The following POLD1 variants were observed in gnomAD, a reference collection of about 807,000 sequenced individuals.
POLD1 encodes DNA polymerase delta 1, catalytic subunit.
Under a neutral mutation model 129.7 loss-of-function variants are expected in POLD1, and 79 were observed. The observed-to-expected ratio is 0.61, with a 90% CI of 0.51 to 0.73. The LOEUF (loss-of-function observed/expected upper bound fraction) is 0.73. Ranked by LOEUF, POLD1 falls within the 30% of genes least tolerant of loss-of-function variation. POLD1 has a pLI of 0.00. For missense variants in POLD1, 1,338 were observed against 1,595.8 expected (o/e 0.84, Z 2.75); for synonymous variants, 714 against 683.3 (o/e 1.04, Z -0.70).
intron 1 of POLD1, among the ~76,000 whole-genome samples, chr19:50,385,778 C>T (rs1026748086): frequency 1.3e-5 from 2 of 152,116 alleles, no homozygotes; most frequent in African/African-American, 4.8e-5. Flanking sequence ...ATCCACTTGC[C>T]TCGGCCTCCC....
intron 24 of POLD1, 28 bp downstream of exon 24, chr19:50,416,751 A>T (rs970032090): frequency 1.4e-6 from 2 of 1,464,346 alleles, no homozygotes; most frequent in African/African-American, 2.8e-5. Context: ...CTGGGCCCCC[A>T]CTGGCCCTCA....
At chr19:50,416,892 CG>C in intron 24 of POLD1, 152 bp from the exon 25 acceptor site, 1 of 1,028,306 alleles carries the variant, frequency 9.7e-7, no homozygotes, top group Non-Finnish European at 1.4e-6. Flanking sequence ...GCCCCCACCC[CG>C]GGAGTTCCCC....
intron 1 of POLD1, among the ~76,000 whole-genome samples, chr19:50,390,220 T>C (rs2038109501): frequency 1.3e-5 from 2 of 151,350 alleles, no homozygotes; most frequent in Non-Finnish European, 1.5e-5. Flanking sequence ...ATAATTTCTT[T>C]TTTTCTTTTC....
rs71182715 is a variant in POLD1 at position 50,400,133 on chromosome 19, ATTTTTTTTTTTT to A, written c.316+666_316+677del. Among the ~76,000 whole-genome samples the A allele has an allele frequency of 5.5e-3, 263 of 48,162 alleles. 4 individuals carry two copies. Among genetic ancestry groups the A allele is most frequent in the African/African-American group, 0.015 (254 of 17,210 alleles). The allele number at this position is 48,162 out of a possible 152,430, so 31.6% of individuals were successfully genotyped here. ...CCAGCCCAATTTGACTTTTTAAAAGATTTTTTTTTTTTTTTTTTTTTTTTTTTTGAGACAAGA... is the reference window on the plus strand; with the variant it reads ...CCAGCCCAATTTGACTTTTTAAAAGATTTTTTTTTTTTTTTTGAGACAAGA... On this transcript the variant is annotated intron_variant, in intron 3 of 26. Transcript: ENST00000440232.
At chr19:50,387,190 G>A (rs1034142644) in intron 1 of POLD1, among the ~76,000 whole-genome samples, 2 of 152,156 alleles carry the variant, frequency 1.3e-5, no homozygotes, top group African/African-American at 4.8e-5. Context: ...CATGGTGGGC[G>A]CCTGTAATCC....
At chr19:50,396,958 G>T (rs944854514) in intron 1 of POLD1, among the ~76,000 whole-genome samples, 2 of 151,142 alleles carry the variant, frequency 1.3e-5, no homozygotes, top group African/African-American at 4.9e-5. Flanking sequence ...AGCCAGGCAT[G>T]GTGGTGGGCA....
chr19:50,414,804 C>A lies in POLD1; in HGVS notation c.2389-11C>A. 6.6e-7 allele frequency: 1 copy of A among 1,520,434 alleles called. No homozygotes were observed. The highest frequency in any genetic ancestry group is 1.3e-5 in the South Asian group (1 of 78,516). The allele number at this position is 1,520,434 out of a possible 1,614,324, so 94.2% of individuals were successfully genotyped here. ...CTCAGGCTCAGGGTCTTGGCCATGGCTCCCTCCCAGGTCTACTTCCCATAC... is the reference window on the plus strand; with the variant it reads ...CTCAGGCTCAGGGTCTTGGCCATGGATCCCTCCCAGGTCTACTTCCCATAC... On this transcript the variant is annotated splice_polypyrimidine_tract_variant and intron_variant, in intron 19 of 26. Transcript: ENST00000440232.
In POLD1 at chr19:50,401,828, C is replaced by T. The variant is rs761127022; in HGVS notation, c.367C>T (p.Pro123Ser). Residue 123 changes from proline to serine, a missense_variant, in exon 4 of 27, where the codon CCT becomes TCT. Transcript: ENST00000440232. ...GGPPPSRGSV[P>S]VLRAFGVTDE... ...GCCCCCACCATCCCGCGGCTCCGTG[C>T]CTGTGCTCCGCGCCTTCGGGGTCAC... The T allele has an allele frequency of 9.3e-6, 15 of 1,613,694 alleles. No individual in the cohort carries two copies. Among genetic ancestry groups the T allele is most frequent in the Non-Finnish European group, 1.3e-5 (15 of 1,179,912 alleles).
intron 1 of POLD1, among the ~76,000 whole-genome samples, chr19:50,395,539 G>A (rs983825767): frequency 1.3e-5 from 2 of 151,352 alleles, no homozygotes; most frequent in Non-Finnish European, 2.9e-5. Context: ...AGCCGAGATC[G>A]CGCCACCGCA....
chr19:50,384,630 G>A (rs1378408412), intron 1 of POLD1, among the ~76,000 whole-genome samples: 1 of 152,104 alleles, frequency 6.6e-6, no homozygotes, highest in Non-Finnish European at 1.5e-5. Flanking sequence ...ACCGTGGGGC[G>A]GGACGTGGCC....
In POLD1 at chr19:50,402,691, T is replaced by C. The variant is rs1555790271; in HGVS notation, c.920T>C (p.Ile307Thr). The part of the protein sequence containing the change: ...SHPPEGPWQR[I>T]APLRVLSFDI... The stretch of plus-strand genomic sequence containing the variant: ...CCACCGGAAGGGCCATGGCAGCGCA[T>C]TGCGCCCTTGCGCGTGCTCAGCTTC... Residue 307 changes from isoleucine to threonine, a missense_variant, in exon 8 of 27, where the codon ATT becomes ACT. Transcript: ENST00000440232. 6.2e-7 allele frequency: 1 copy of C among 1,600,488 alleles called. No homozygotes were observed. The highest frequency in any genetic ancestry group is 8.5e-7 in the Non-Finnish European group (1 of 1,171,750).
intron 19 of POLD1, 41 bp from the exon 20 acceptor site, chr19:50,414,774 G>A: frequency 6.9e-7 from 1 of 1,445,076 alleles, no homozygotes. Flanking sequence ...TTGGGGCTTG[G>A]CCTCCTCAGG....
chr19:50,415,751 G>T lies in POLD1; in HGVS notation c.2745G>T (p.Ala915=). ...ERMRKRDPGS[A]PSLGDRVPYV... is the part of the protein sequence containing the mutation. Reference sequence around the variant, plus strand: ...TGAGGAAGCGGGACCCCGGGAGTGCGCCCAGCCTGGGCGACCGCGTCCCCT... The same window carrying T: ...TGAGGAAGCGGGACCCCGGGAGTGCTCCCAGCCTGGGCGACCGCGTCCCCT... Residue 915 remains alanine, a synonymous_variant, in exon 22 of 27, where the codon GCG becomes GCT. Transcript: ENST00000440232. 6.4e-7 allele frequency: 1 copy of T among 1,564,500 alleles called. No homozygotes were observed.
chr19:50,405,612 C>T (rs1213028984), intron 10 of POLD1, among the ~76,000 whole-genome samples: 4 of 152,146 alleles, frequency 2.6e-5, no homozygotes, highest in Non-Finnish European at 5.9e-5. Flanking sequence ...AGAACAAACT[C>T]TTAGGACCCC....
chr19:50,388,973 T>C (rs2695126), intron 1 of POLD1, among the ~76,000 whole-genome samples: 7,914 of 151,416 alleles, frequency 0.052, 698 homozygotes, highest in African/African-American at 0.18. Context: ...GCTGGGACTA[T>C]AGGCGCGCAC....
intron 22 of POLD1, chr19:50,416,031 G>A: frequency 1.7e-6 from 1 of 580,034 alleles, no homozygotes; most frequent in East Asian, 2.9e-5. Context: ...CCCTATGGAA[G>A]GGGCCCCAGT....
Position 50,417,283 on chromosome 19 carries a change from C to G in POLD1, c.3218+14C>G, listed in dbSNP as rs1057522476. ...CATCTGCACCAGGTGTGTGCCATGT[C>G]CCGACCCTGGGCTGCCCCGCCCCTT... On this transcript the variant is annotated intron_variant, in intron 26 of 26. Transcript: ENST00000440232. 1.3e-6 allele frequency: 2 copies of G among 1,559,236 alleles called. No homozygotes were observed. Among genetic ancestry groups the G allele is most frequent in the Admixed American group, 1.8e-5 (1 of 56,224 alleles).
Position 50,402,742 on chromosome 19 carries a change from G to T in POLD1, c.970+1G>T, listed in dbSNP as rs1337231648. 3 of 1,586,268 alleles carry T rather than the reference G, an allele frequency of 1.9e-6. No individual in the cohort carries two copies. The highest frequency in any genetic ancestry group is 2.6e-6 in the Non-Finnish European group (3 of 1,161,608). On this transcript the variant is annotated splice_donor_variant, in intron 8 of 26. Coordinates refer to ENST00000440232, the MANE Select transcript of POLD1 (RefSeq NM_002691.4). LOFTEE classifies it high-confidence loss of function. ...GATATCGAGTGCGCCGGCCGCAAAG[G>T]TCTGTCCCCGGGCCCGGGCTCCTGC...
Position 50,409,471 on chromosome 19 carries a change from C to G in POLD1, c.2007-48C>G, listed in dbSNP as rs1223675283. 1 of 1,612,160 alleles carries G rather than the reference C, an allele frequency of 6.2e-7. No homozygotes were observed. Among genetic ancestry groups the G allele is most frequent in the Non-Finnish European group, 8.5e-7 (1 of 1,179,168 alleles). On this transcript the variant is annotated intron_variant, in intron 16 of 26. Coordinates refer to ENST00000440232, the MANE Select transcript of POLD1 (RefSeq NM_002691.4). This position sits in a 1 kb window ranked among gnomAD's most constrained non-coding sequence, Gnocchi z 5.8. ...CTCACTTCCAGAAAGGAGCCCTGAC[C>G]AATGCCCAGGTGCCGCCTGAGTGTG...
Sources: gnomAD v4.1 joint callset for allele counts (sites outside exome capture counted in the v4.1 genomes callset) on GRCh38, gnomAD v4.1.1 for gene constraint, Gnocchi (gnomAD v3.1) non-coding constraint, MANE v1.5 for transcripts, NCBI Gene and HGNC (gene_info 2026-07-23, HGNC 2026-07-21) for gene names.